The following JAZF1 variants were observed in gnomAD, a reference collection of about 807,000 sequenced individuals.
The protein encoded by JAZF1 is JAZF zinc finger 1, also known as juxtaposed with another zinc finger protein 1.
JAZF1 carries 8 observed loss-of-function variants against 26.4 expected under a neutral mutation model. The ratio of observed to expected loss-of-function variants is 0.30; its 90% CI spans 0.18 to 0.55. The LOEUF (loss-of-function observed/expected upper bound fraction) is 0.55, where lower values mean the gene tolerates loss of function less well. Ranked by LOEUF, JAZF1 falls within the 20% of genes least tolerant of loss-of-function variation. JAZF1 has a pLI of 0.94. For synonymous variants in JAZF1, 126 were observed against 122.3 expected (o/e 1.03, Z -0.20); for missense variants, 199 against 322.0 (o/e 0.62, Z 2.92).
At chr7:28,026,756 T>A (rs368602055) in intron 1 of JAZF1, among the ~76,000 whole-genome samples, 1 of 152,186 alleles carries the variant, frequency 6.6e-6, no homozygotes, top group East Asian at 1.9e-4. Flanking sequence ...TTCTCTCAAC[T>A]GAACAGGACC....
At chr7:28,156,852 A>C (rs904754484) in intron 1 of JAZF1, among the ~76,000 whole-genome samples, 1 of 152,226 alleles carries the variant, frequency 6.6e-6, no homozygotes, top group African/African-American at 2.4e-5. Context: ...CAAGGGGGGA[A>C]ATCATTCTTA....
chr7:27,925,892 A>G (rs896319935), intron 2 of JAZF1, among the ~76,000 whole-genome samples: 9 of 152,268 alleles, frequency 5.9e-5, no homozygotes, highest in African/African-American at 2.2e-4. Context: ...CACTTGAATG[A>G]TACCTCCGTA....
intron 2 of JAZF1, among the ~76,000 whole-genome samples, chr7:27,900,854 A>G (rs2128343020): frequency 6.6e-6 from 1 of 152,338 alleles, no homozygotes; most frequent in Admixed American, 6.5e-5. Flanking sequence ...TTTTAAAATT[A>G]TGGAATATAT....
At chr7:28,016,109 T>G (rs1198664383) in intron 1 of JAZF1, among the ~76,000 whole-genome samples, 2 of 152,202 alleles carry the variant, frequency 1.3e-5, no homozygotes, top group Non-Finnish European at 2.9e-5. Flanking sequence ...TGCCGGTGCC[T>G]TCAGACCAAG....
chr7:28,026,964 G>A lies in JAZF1; in HGVS notation c.116-34983C>T, dbSNP rs538702629. On this transcript the variant is annotated intron_variant, in intron 1 of 4. Coordinates refer to ENST00000283928, the MANE Select transcript of JAZF1 (RefSeq NM_175061.4). ...GGGCTTCACACCTTCCCTCCTATTC[G>A]CCAGTGTGTCTTTTTCCATTACCCG... Among the ~76,000 whole-genome samples the A allele has an allele frequency of 8.5e-5, 13 of 152,258 alleles. No individual in the cohort carries two copies. In the East Asian group the frequency reaches 9.7e-4, roughly 11 times the overall value.
intron 1 of JAZF1, among the ~76,000 whole-genome samples, chr7:28,173,699 G>T (rs993413381): frequency 6.6e-6 from 1 of 151,978 alleles, no homozygotes; most frequent in African/African-American, 2.4e-5. Context: ...GCCAGTGGGT[G>T]AGCTGGGCAA....
intron 3 of JAZF1, among the ~76,000 whole-genome samples, chr7:27,864,615 A>C (rs1783442232): frequency 6.6e-6 from 1 of 152,210 alleles, no homozygotes; most frequent in Non-Finnish European, 1.5e-5. Flanking sequence ...CTTGGTTAGA[A>C]GAGAAAGAAA....
At chr7:27,980,786 C>T (rs1379593172) in intron 2 of JAZF1, among the ~76,000 whole-genome samples, 1 of 149,058 alleles carries the variant, frequency 6.7e-6, no homozygotes, top group Non-Finnish European at 1.5e-5. Flanking sequence ...GTTGTCAAGC[C>T]GATTTTCTTT....
intron 1 of JAZF1, among the ~76,000 whole-genome samples, chr7:28,015,026 AGTGTGTATGTGTGTGT>A (rs1049157287): frequency 1.7e-5 from 2 of 116,422 alleles, no homozygotes; most frequent in African/African-American, 6.7e-5. Context: ...AAAAGCAGAA[AGTGTGTATGTGTGTGT>A]GTGTGTGTGT....
chr7:27,907,475 G>A (rs1209946959), intron 2 of JAZF1, among the ~76,000 whole-genome samples: 1 of 152,166 alleles, frequency 6.6e-6, no homozygotes, highest in Non-Finnish European at 1.5e-5. Context: ...GTCCACAGTT[G>A]GGCTAAGATA....
intron 3 of JAZF1, among the ~76,000 whole-genome samples, chr7:27,853,223 T>A (rs1783183971): frequency 6.6e-6 from 1 of 152,208 alleles, no homozygotes; most frequent in Non-Finnish European, 1.5e-5. Context: ...GCACCTTCCC[T>A]CCTCCCAGAA....
chr7:27,975,623 C>T (rs1240585999), intron 2 of JAZF1, among the ~76,000 whole-genome samples: 1 of 152,246 alleles, frequency 6.6e-6, no homozygotes, highest in Admixed American at 6.5e-5. Flanking sequence ...CAGGAAAAGG[C>T]TTTCTACATA....
intron 1 of JAZF1, among the ~76,000 whole-genome samples, chr7:28,017,705 C>T (rs1270052439): frequency 6.6e-6 from 1 of 152,184 alleles, no homozygotes; most frequent in Non-Finnish European, 1.5e-5. Flanking sequence ...ATCCTGCCCT[C>T]GTGATGTGTA....
chr7:28,091,635 TAC>T (rs1017635287), intron 1 of JAZF1, among the ~76,000 whole-genome samples: 2 of 147,882 alleles, frequency 1.4e-5, no homozygotes, highest in Non-Finnish European at 1.5e-5. Context: ...TATATATATA[TAC>T]ACACACACAG....
chr7:28,103,315 C>A (rs548430353), intron 1 of JAZF1, among the ~76,000 whole-genome samples: 1 of 152,230 alleles, frequency 6.6e-6, no homozygotes, highest in Admixed American at 6.5e-5. Flanking sequence ...GTGGTATTTA[C>A]CTATAGTTCT....
chr7:28,011,344 G>A (rs2128370281), intron 1 of JAZF1, among the ~76,000 whole-genome samples: 1 of 152,308 alleles, frequency 6.6e-6, no homozygotes, highest in East Asian at 1.9e-4. Flanking sequence ...AAACTTTTGA[G>A]TTTTAGAATG....
intron 1 of JAZF1, among the ~76,000 whole-genome samples, chr7:28,163,930 T>C (rs774362659): frequency 7.2e-5 from 11 of 152,238 alleles, no homozygotes; most frequent in Non-Finnish European, 1.2e-4. Flanking sequence ...AGAAACATAC[T>C]TCCTTGACCT....
intron 3 of JAZF1, among the ~76,000 whole-genome samples, chr7:27,872,057 T>C (rs192235335): frequency 3.3e-5 from 5 of 152,336 alleles, no homozygotes; most frequent in Non-Finnish European, 5.9e-5. Context: ...AGAGCGCCCA[T>C]AGTCTCTGGA....
chr7:28,095,576 G>C (rs983472099), intron 1 of JAZF1, among the ~76,000 whole-genome samples: 1 of 152,156 alleles, frequency 6.6e-6, no homozygotes, highest in Non-Finnish European at 1.5e-5. Context: ...TTCAAGATGA[G>C]ATTTGGGTGG....
Sources: allele counts gnomAD v4.1 joint callset (sites outside exome capture counted in the v4.1 genomes callset), GRCh38; gene constraint gnomAD v4.1.1; transcripts MANE v1.5; gene names NCBI Gene and HGNC (gene_info 2026-07-23, HGNC 2026-07-21).